Variants in AMBRA1 observed in about 807,000 individuals in gnomAD.
AMBRA1 encodes activating molecule in BECN1-regulated autophagy protein 1.
Under a neutral mutation model 125.4 loss-of-function variants are expected in AMBRA1, and 47 were observed. The observed-to-expected ratio is 0.37, with a 90% CI of 0.30 to 0.48. The LOEUF (loss-of-function observed/expected upper bound fraction) is 0.48, where lower values mean the gene tolerates loss of function less well. AMBRA1 is among the 20% of genes least tolerant of loss of function. AMBRA1 has a pLI of 0.99. For missense variants in AMBRA1, 1,331 were observed against 1,693.4 expected (o/e 0.79, Z 3.76); for synonymous variants, 626 against 655.5 (o/e 0.95, Z 0.69).
chr11:46,410,171 A>G, intron 16 of AMBRA1, 105 bp downstream of exon 16: 1 of 971,342 alleles, frequency 1.0e-6, no homozygotes, highest in South Asian at 1.3e-5. Flanking sequence ...GCTCTGGTTG[A>G]GGAGGGACCC....
At chr11:46,545,296 T>C (rs1952963962) in intron 5 of AMBRA1, among the ~76,000 whole-genome samples, 7 of 151,254 alleles carry the variant, frequency 4.6e-5, no homozygotes, top group Admixed American at 4.6e-4. Context: ...CCTATCTTTA[T>C]TAAAAATACA....
At chr11:46,405,469 A>T (rs1002092037) in intron 17 of AMBRA1, among the ~76,000 whole-genome samples, 18 of 152,182 alleles carry the variant, frequency 1.2e-4, no homozygotes, top group Admixed American at 5.9e-4. Flanking sequence ...CTGTAATTCC[A>T]GCACTTTGGG....
intron 9 of AMBRA1, among the ~76,000 whole-genome samples, chr11:46,499,633 C>T (rs1436991397): frequency 1.3e-5 from 2 of 152,034 alleles, no homozygotes; most frequent in East Asian, 3.9e-4. Flanking sequence ...TATTGTACCT[C>T]TGCCTACTAC....
intron 11 of AMBRA1, among the ~76,000 whole-genome samples, chr11:46,469,135 C>T (rs763891470): frequency 1.3e-5 from 2 of 152,108 alleles, no homozygotes; most frequent in Non-Finnish European, 2.9e-5. Context: ...AACAGGGAAA[C>T]TCCACCTCAA....
At chr11:46,544,170 C>T (rs1367688029) in intron 5 of AMBRA1, 129 bp from the exon 6 acceptor site, 1 of 665,816 alleles carries the variant, frequency 1.5e-6, no homozygotes, top group Non-Finnish European at 2.6e-6. Flanking sequence ...CCACTTCATT[C>T]AAGACTTCCA....
intron 11 of AMBRA1, among the ~76,000 whole-genome samples, chr11:46,466,116 T>C (rs551711423): frequency 6.6e-6 from 1 of 152,196 alleles, no homozygotes; most frequent in Non-Finnish European, 1.5e-5. Context: ...GTACATAAAA[T>C]GGTAGTAAGA....
chr11:46,550,553 T>C (rs572080201), intron 1 of AMBRA1, among the ~76,000 whole-genome samples: 1 of 152,336 alleles, frequency 6.6e-6, no homozygotes, highest in Non-Finnish European at 1.5e-5. Context: ...GATTCTCTCT[T>C]GTACTTTTTT....
At chr11:46,586,323 C>T (rs751031033) in intron 1 of AMBRA1, among the ~76,000 whole-genome samples, 15 of 152,246 alleles carry the variant, frequency 9.9e-5, no homozygotes, top group Middle Eastern at 3.4e-3. Context: ...GCACAAGAAT[C>T]GCTTGAACCC....
At chr11:46,481,361 T>C (rs975439449) in intron 11 of AMBRA1, among the ~76,000 whole-genome samples, 6 of 152,276 alleles carry the variant, frequency 3.9e-5, no homozygotes, top group African/African-American at 1.4e-4. Context: ...CCCTCCCCAG[T>C]AGCAGTCTTC....
chr11:46,589,525 G>C (rs1472427803), intron 1 of AMBRA1, among the ~76,000 whole-genome samples: 1 of 152,104 alleles, frequency 6.6e-6, no homozygotes, highest in Non-Finnish European at 1.5e-5. Flanking sequence ...CCAAGGCTGA[G>C]GCATATCTTA....
In AMBRA1 at chr11:46,465,135, C is replaced by T. The variant is rs539086451; in HGVS notation, c.2522-21537G>A. Reference sequence around the variant, plus strand: ...CAGGGCCAAGTATGGACAACTAGTGCCCACACCTACAGCCCAGACCCTGCC... The same window carrying T: ...CAGGGCCAAGTATGGACAACTAGTGTCCACACCTACAGCCCAGACCCTGCC... On this transcript the variant is annotated intron_variant, in intron 11 of 17. Transcript: ENST00000683756. Among the ~76,000 whole-genome samples the T allele has an allele frequency of 1.0e-3, 155 of 152,294 alleles. 1 individual carries two copies. Among genetic ancestry groups the T allele is most frequent in the Middle Eastern group, 3.4e-3 (1 of 294 alleles).
chr11:46,476,965 T>C (rs1256226180), intron 11 of AMBRA1, among the ~76,000 whole-genome samples: 1 of 151,906 alleles, frequency 6.6e-6, no homozygotes, highest in African/African-American at 2.4e-5. Flanking sequence ...AAAAATTAGT[T>C]GGGCATGGTG....
intron 3 of AMBRA1, 100 bp downstream of exon 3, chr11:46,547,717 T>C: frequency 1.6e-6 from 2 of 1,218,760 alleles, no homozygotes; most frequent in Non-Finnish European, 2.3e-6. Context: ...ATACAGTACT[T>C]CAGAGAGACT....
At position 46,542,363 on chromosome 11, in the gene AMBRA1, G is replaced by A. The variant is rs1457144643; in HGVS notation, c.1654C>T (p.His552Tyr). ...RPGPSHQPTP[H>Y]SSENNSNLSR... ...AGGTTGGAGTTGTTCTCACTGCTGT[G>A]TGGGGTGGGCTGGTGGGAAGGGCCT... is the stretch of plus-strand genomic sequence containing the variant. The change falls in exon 7 of 18, where the codon CAC becomes TAC. Residue 552 changes from histidine to tyrosine, a missense_variant. By Grantham distance (83) the His-to-Tyr change is moderately conservative. Coordinates refer to ENST00000683756, the MANE Select transcript of AMBRA1 (RefSeq NM_001387011.1). This position sits in a 1 kb window ranked among gnomAD's most constrained non-coding sequence, Gnocchi z 5.9. 2 of 1,614,058 alleles carry A rather than the reference G, an allele frequency of 1.2e-6. No homozygotes were observed. The highest frequency in any genetic ancestry group is 1.7e-6 in the Non-Finnish European group (2 of 1,180,056).
chr11:46,412,405 C>T (rs1322806869), intron 15 of AMBRA1, among the ~76,000 whole-genome samples: 1 of 152,194 alleles, frequency 6.6e-6, no homozygotes, highest in Non-Finnish European at 1.5e-5. Context: ...CTACCTCAGC[C>T]TCCCGAGTAG....
chr11:46,413,289 C>T (rs571102157), intron 15 of AMBRA1, among the ~76,000 whole-genome samples: 13 of 152,312 alleles, frequency 8.5e-5, no homozygotes, highest in Admixed American at 3.3e-4. Flanking sequence ...AGATGTGTTG[C>T]TCCACTATGC....
At chr11:46,457,422 A>T (rs1006109538) in intron 11 of AMBRA1, among the ~76,000 whole-genome samples, 3 of 152,230 alleles carry the variant, frequency 2.0e-5, no homozygotes, top group Non-Finnish European at 2.9e-5. Flanking sequence ...AAGGGGGGAA[A>T]AATTTAACGG....
chr11:46,432,450 A>C (rs1947499813), intron 14 of AMBRA1, among the ~76,000 whole-genome samples: 1 of 152,166 alleles, frequency 6.6e-6, no homozygotes, highest in African/African-American at 2.4e-5. Flanking sequence ...GACAGGAGGG[A>C]GAAGAGGCTG....
intron 1 of AMBRA1, among the ~76,000 whole-genome samples, chr11:46,575,568 G>A (rs567937381): frequency 5.1e-5 from 7 of 138,260 alleles, no homozygotes; most frequent in Non-Finnish European, 1.1e-4. Context: ...CCAGGCTGGA[G>A]TACAATGGTA....
Sources: allele counts gnomAD v4.1 joint callset (sites outside exome capture counted in the v4.1 genomes callset), GRCh38; gene constraint gnomAD v4.1.1; non-coding constraint Gnocchi (gnomAD v3.1); transcripts MANE v1.5; gene names NCBI Gene and HGNC (gene_info 2026-07-23, HGNC 2026-07-21).